The following PIK3CB variants were observed in gnomAD, a reference collection of about 807,000 sequenced individuals.
PIK3CB encodes the protein phosphatidylinositol-4,5-bisphosphate 3-kinase catalytic subunit beta, also known as phosphatidylinositol 4,5-bisphosphate 3-kinase catalytic subunit beta isoform.
PIK3CB carries 39 observed loss-of-function variants against 136.8 expected under a neutral mutation model. The observed-to-expected ratio is 0.29, with a 90% CI of 0.22 to 0.37. The LOEUF (loss-of-function observed/expected upper bound fraction) is 0.37, where lower values mean the gene tolerates loss of function less well. PIK3CB is among the 10% of genes least tolerant of loss of function. The pLI is 1.00. For missense variants in PIK3CB, 868 were observed against 1,275.4 expected (o/e 0.68, Z 4.87); for synonymous variants, 428 against 436.6 (o/e 0.98, Z 0.25).
chr3:138,778,170 C>A (rs898354222), intron 2 of PIK3CB: 3 of 450,804 alleles, frequency 6.7e-6, no homozygotes, highest in African/African-American at 2.0e-5. Flanking sequence ...AAGGAGAAAC[C>A]GAAAGGGTCA....
At chr3:138,673,734 T>C (rs756414653) in intron 19 of PIK3CB, among the ~76,000 whole-genome samples, 2 of 151,980 alleles carry the variant, frequency 1.3e-5, no homozygotes, top group Non-Finnish European at 2.9e-5. Flanking sequence ...CCAACGTGAA[T>C]CTGTTTTGTT....
intron 1 of PIK3CB, among the ~76,000 whole-genome samples, chr3:138,829,111 T>A (rs987107518): frequency 1.3e-5 from 2 of 151,962 alleles, no homozygotes; most frequent in Admixed American, 6.6e-5. Context: ...CAAATTTTTT[T>A]ATTTTATTTA....
chr3:138,707,080 GAT>G lies in PIK3CB; in HGVS notation c.1530+77_1530+78del, dbSNP rs912882880. On this transcript the variant is annotated intron_variant, in intron 11 of 23. Transcript: ENST00000674063. The stretch of plus-strand genomic sequence containing the variant: ...TGTATGGGAAGTTTTGAAAGAGACA[GAT>G]AGAGCTTAAACTATACATAGAGGAA... 3.5e-5 allele frequency: 32 copies of G among 911,652 alleles called. No individual in the cohort carries two copies. In the Admixed American group the frequency reaches 6.2e-4, roughly 18 times the overall value. 56.5% of individuals were successfully genotyped at this position (911,652 alleles called of 1,614,324 possible).
intron 8 of PIK3CB, among the ~76,000 whole-genome samples, chr3:138,721,636 CACA>C (rs2044728814): frequency 6.6e-6 from 1 of 152,158 alleles, no homozygotes; most frequent in Non-Finnish European, 1.5e-5. Context: ...CTGAAAAACA[CACA>C]ACATTTATTT....
chr3:138,824,577 C>T (rs1047679088), intron 1 of PIK3CB, among the ~76,000 whole-genome samples: 6 of 151,946 alleles, frequency 3.9e-5, no homozygotes, highest in Non-Finnish European at 7.4e-5. Context: ...GGTGGACCCA[C>T]CTGACGCTGG....
At chr3:138,712,096 A>C (rs1380121285) in intron 10 of PIK3CB, 112 bp downstream of exon 10, 1 of 507,350 alleles carries the variant, frequency 2.0e-6, no homozygotes, top group Non-Finnish European at 3.4e-6. Flanking sequence ...AATAATACAA[A>C]ATGATAATTT....
At chr3:138,663,790 A>C in intron 21 of PIK3CB, 116 bp downstream of exon 21, 1 of 997,382 alleles carries the variant, frequency 1.0e-6, no homozygotes, top group African/African-American at 1.6e-5. Context: ...TGAAGTAAAG[A>C]CAAAGATATG....
At chr3:138,727,496 G>A (rs1389914060) in intron 8 of PIK3CB, among the ~76,000 whole-genome samples, 1 of 152,222 alleles carries the variant, frequency 6.6e-6, no homozygotes, top group East Asian at 1.9e-4. Context: ...ACAGAGAGAA[G>A]ACCCCAGCCA....
intron 1 of PIK3CB, among the ~76,000 whole-genome samples, chr3:138,833,232 A>C (rs1001326356): frequency 1.3e-5 from 2 of 151,470 alleles, no homozygotes; most frequent in African/African-American, 4.8e-5. Flanking sequence ...ACGCCCTGCT[A>C]ATTTTTGTGT....
chr3:138,782,112 A>T (rs2045930054), intron 2 of PIK3CB, among the ~76,000 whole-genome samples: 1 of 152,216 alleles, frequency 6.6e-6, no homozygotes, highest in Admixed American at 6.5e-5. Flanking sequence ...AATGTAGACT[A>T]TTTAAACAAG....
In PIK3CB at chr3:138,653,027, T is replaced by A. The variant is rs1334132729; in HGVS notation, c.*2362A>T. The A allele has an allele frequency of 4.8e-6, 1 of 207,988 alleles. No homozygotes were observed. The highest frequency in any genetic ancestry group is 9.8e-6 in the Non-Finnish European group (1 of 102,306). 12.9% of individuals were successfully genotyped at this position (207,988 alleles called of 1,614,324 possible). A position where few individuals can be genotyped will look rare whatever the true frequency, so the allele number is the denominator to read the frequency against. On this transcript the variant is annotated 3_prime_UTR_variant, in exon 24 of 24. Transcript: ENST00000674063. ...TACAATAAAGTCACTTACCCAGGAATCTAACAAACGATGCATAATATGTAA... is the reference window on the plus strand; with the variant it reads ...TACAATAAAGTCACTTACCCAGGAAACTAACAAACGATGCATAATATGTAA...
At chr3:138,704,604 T>C in intron 11 of PIK3CB, 111 bp from the exon 12 acceptor site, 1 of 729,726 alleles carries the variant, frequency 1.4e-6, no homozygotes, top group Non-Finnish European at 2.4e-6. Flanking sequence ...TTGCTATGCT[T>C]TGTAACAGAA....
chr3:138,774,069 C>T (rs2045830217), intron 2 of PIK3CB, among the ~76,000 whole-genome samples: 2 of 152,236 alleles, frequency 1.3e-5, no homozygotes, highest in Admixed American at 6.5e-5. Context: ...AATTCTCCTA[C>T]ATTACAGGAG....
chr3:138,731,844 G>A (rs911597068), intron 8 of PIK3CB, among the ~76,000 whole-genome samples: 1 of 151,906 alleles, frequency 6.6e-6, no homozygotes, highest in African/African-American at 2.4e-5. Context: ...TTAGCCAGGT[G>A]TGGTGGCGTG....
At chr3:138,818,011 G>A (rs557666280) in intron 1 of PIK3CB, among the ~76,000 whole-genome samples, 4 of 152,290 alleles carry the variant, frequency 2.6e-5, no homozygotes, top group African/African-American at 9.6e-5. Context: ...ATGGGGCTGG[G>A]CATGGTAGTA....
intron 4 of PIK3CB, among the ~76,000 whole-genome samples, chr3:138,751,524 T>G (rs1417977999): frequency 1.3e-5 from 2 of 152,016 alleles, no homozygotes; most frequent in East Asian, 3.9e-4. Flanking sequence ...ATTTTAAACC[T>G]AGTTAATACC....
chr3:138,809,606 CAAAAAAA>C (rs57717750), intron 1 of PIK3CB, among the ~76,000 whole-genome samples: 3 of 113,634 alleles, frequency 2.6e-5, no homozygotes, highest in South Asian at 6.1e-4. Context: ...GACTTTGCCT[CAAAAAAA>C]AAAAAAAAAA....
intron 5 of PIK3CB, among the ~76,000 whole-genome samples, chr3:138,742,218 A>T (rs2045259532): frequency 6.6e-6 from 1 of 152,198 alleles, no homozygotes. Flanking sequence ...TCTCTGTTGC[A>T]TATTCTTTTT....
chr3:138,679,877 A>G (rs2043729104), intron 19 of PIK3CB, among the ~76,000 whole-genome samples: 1 of 150,280 alleles, frequency 6.7e-6, no homozygotes, highest in African/African-American at 2.4e-5. Flanking sequence ...TACAGGCGTA[A>G]GCCACTGCAC....
Sources: allele counts gnomAD v4.1 joint callset (sites outside exome capture counted in the v4.1 genomes callset), GRCh38; gene constraint gnomAD v4.1.1; transcripts MANE v1.5; gene names NCBI Gene and HGNC (gene_info 2026-07-23, HGNC 2026-07-21).